Variants in SEC16B observed in about 807,000 individuals in gnomAD.
SEC16B encodes SEC16 homolog B, endoplasmic reticulum export factor.
In SEC16B, 115 loss-of-function variants were observed where a neutral mutation model predicts 141.8. The ratio of observed to expected loss-of-function variants is 0.81; its 90% CI spans 0.70 to 0.95. SEC16B has a LOEUF of 0.95. SEC16B is among the 40% of genes least tolerant of loss of function. The pLI, the probability that SEC16B is intolerant of heterozygous loss-of-function variation, is 0.00. For missense variants in SEC16B, 1,291 were observed against 1,312.3 expected, an observed-to-expected ratio of 0.98 and a Z score of 0.25; for synonymous variants, 493 against 492.5, an observed-to-expected ratio of 1.00 and a Z score of -0.01.
chr1:177,971,998 G>A (rs1438982761), upstream of SEC16B, among the ~76,000 whole-genome samples: 4 of 152,208 alleles, frequency 2.6e-5, no homozygotes, highest in Non-Finnish European at 5.9e-5. Context: ...ATACTGATTT[G>A]AACCCCAAAC....
upstream of SEC16B, chr1:177,970,170 G>C (rs1050591505): frequency 3.9e-5 from 6 of 152,250 alleles, no homozygotes; most frequent in African/African-American, 1.4e-4. Context: ...CTGAGCATGG[G>C]CTGAGCCAGG....
Position 177,958,295 on chromosome 1 carries a change from C to A in SEC16B, c.1202G>T (p.Arg401Leu). The change falls in exon 10 of 26, where the codon CGG (arginine) becomes CTG (leucine). Residue 401 changes from arginine to leucine, a missense_variant. This residue lies in a region of SEC16B where 681 missense variants were observed against 675.5 expected (regional missense o/e 1.01). Coordinates refer to ENST00000308284, the MANE Select transcript of SEC16B (RefSeq NM_033127.4). ...GATGAGGTTGGCCACAGGGGGCTGC[C>A]GCTTGTACTTCTCCAGCTTCTTGCA... ...QDCKKLEKYKRQPPVANLINL... is the reference protein window; with the variant it reads ...QDCKKLEKYKLQPPVANLINL... 1 of 1,610,150 alleles carries A rather than the reference C, an allele frequency of 6.2e-7. No individual in the cohort carries two copies. Among genetic ancestry groups the A allele is most frequent in the Non-Finnish European group, 8.5e-7 (1 of 1,178,164 alleles).
intron 24 of SEC16B, among the ~76,000 whole-genome samples, chr1:177,932,000 A>T (rs1650452558): frequency 6.6e-6 from 1 of 152,054 alleles, no homozygotes; most frequent in Admixed American, 6.5e-5. Flanking sequence ...AAAAAAAATC[A>T]CGTGTTGAAG....
chr1:177,964,788 G>A (rs1236103302), intron 4 of SEC16B, among the ~76,000 whole-genome samples: 2 of 152,120 alleles, frequency 1.3e-5, no homozygotes, highest in Non-Finnish European at 2.9e-5. Context: ...CCTCTTTTAG[G>A]ACAGACCTCA....
chr1:177,940,125 A>G (rs969269369), intron 17 of SEC16B, among the ~76,000 whole-genome samples: 14 of 152,224 alleles, frequency 9.2e-5, no homozygotes, highest in African/African-American at 1.9e-4. Flanking sequence ...CAGAATGGGA[A>G]AAAGAAAATG....
At chr1:177,946,179 GCAT>G (rs777936250) in intron 14 of SEC16B, 101 of 602,740 alleles carry the variant, frequency 1.7e-4, no homozygotes, top group Admixed American at 1.5e-4. Flanking sequence ...CCACACAAAG[GCAT>G]CAGCCCACCT....
rs571668617 is a variant in SEC16B at position 177,933,997 on chromosome 1, A to C, written c.2572-361T>G. ...CACAGAGGCCCACAAGCTCCCCCCA[A>C]AAAAAAAAAAACAGAGAATGTAGCA... On this transcript the variant is annotated intron_variant, in intron 20 of 25. Transcript: ENST00000308284. Among the ~76,000 whole-genome samples the C allele has an allele frequency of 4.5e-3, 674 of 149,064 alleles. 4 individuals carry two copies. The highest frequency in any genetic ancestry group is 9.6e-3 in the South Asian group (45 of 4,708).
At chr1:177,951,732 G>T (rs1652204246) in intron 12 of SEC16B, among the ~76,000 whole-genome samples, 182 bp downstream of exon 12, 1 of 152,172 alleles carries the variant, frequency 6.6e-6, no homozygotes, top group Non-Finnish European at 1.5e-5. Context: ...CTACCTCTAT[G>T]CATTAAACCA....
chr1:177,939,628 A>G, intron 18 of SEC16B, 74 bp downstream of exon 18: 1 of 1,295,222 alleles, frequency 7.7e-7, no homozygotes, highest in Non-Finnish European at 1.1e-6. Flanking sequence ...GAGTGCTTTC[A>G]TAAATTACTT....
chr1:177,946,424 G>T lies in SEC16B; in HGVS notation c.1771C>A (p.His591Asn). 6.4e-7 allele frequency: 1 copy of T among 1,563,212 alleles called. No individual in the cohort carries two copies. Among genetic ancestry groups the T allele is most frequent in the Non-Finnish European group, 8.7e-7 (1 of 1,153,278 alleles). Residue 591 changes from histidine (H) to asparagine (N), a missense_variant, in exon 14 of 26, where the codon CAC (histidine) becomes AAC (asparagine). Coordinates refer to ENST00000308284, the MANE Select transcript of SEC16B (RefSeq NM_033127.4). ...CCTTTCTCCCAGGTCGCATACCTGT[G>T]GCTGCTGCCCAGCAAGACCAGATGG... ...TDHLVLLGSSHSQEFLKFATT... is the reference protein window; with the variant it reads ...TDHLVLLGSSNSQEFLKFATT...
upstream of SEC16B, among the ~76,000 whole-genome samples, chr1:177,970,819 T>TA (rs1653911636): frequency 6.6e-6 from 1 of 152,254 alleles, no homozygotes; most frequent in African/African-American, 2.4e-5. Flanking sequence ...TTTGCTCTTT[T>TA]AAAAAATCCC....
chr1:177,957,598 A>C (rs1220250799), intron 10 of SEC16B, among the ~76,000 whole-genome samples: 1 of 152,188 alleles, frequency 6.6e-6, no homozygotes, highest in Non-Finnish European at 1.5e-5. Flanking sequence ...TGCAATGTAT[A>C]ATAATCACAT....
chr1:177,954,236 G>A, intron 11 of SEC16B, 43 bp downstream of exon 11: 14 of 1,435,236 alleles, frequency 9.8e-6, no homozygotes, highest in Non-Finnish European at 1.3e-5. Context: ...TGGTGAGGAG[G>A]CCTCTCTGCC....
Position 177,961,603 on chromosome 1 carries a change from A to G in SEC16B, c.774T>C (p.Ser258=), listed in dbSNP as rs200730118. 47 of 1,612,778 alleles carry G rather than the reference A, an allele frequency of 2.9e-5. 1 individual carries two copies. In the East Asian group the frequency reaches 7.8e-4, roughly 27 times the overall value. ...RDDPPASAAW[S]PVQADVSSAG... ...TTTAGAACCCACCAGCCTGAACTGG[A>G]CTCCAAGCTGCTGAAGCTGGGGGAT... is the stretch of plus-strand genomic sequence containing the variant. The change falls in exon 6 of 26, where the codon AGT becomes AGC. Residue 258 remains serine (S), a synonymous_variant. Coordinates refer to ENST00000308284, the MANE Select transcript of SEC16B (RefSeq NM_033127.4).
chr1:177,970,785 G>A (rs1300196519), upstream of SEC16B, among the ~76,000 whole-genome samples: 6 of 152,134 alleles, frequency 3.9e-5, no homozygotes, highest in Non-Finnish European at 8.8e-5. Context: ...GACTACTTCT[G>A]AATTAATATT....
At chr1:177,960,260 C>T (rs1292381760) in intron 8 of SEC16B, 82 bp downstream of exon 8, 1 of 920,572 alleles carries the variant, frequency 1.1e-6, no homozygotes, top group East Asian at 2.6e-5. Flanking sequence ...AAACCAAGAA[C>T]AAATCTCCAA....
At chr1:177,971,072 G>T (rs1456230273), upstream of SEC16B, among the ~76,000 whole-genome samples, 3 of 144,100 alleles carry the variant, frequency 2.1e-5, no homozygotes. Flanking sequence ...TCTGACTGTA[G>T]CTAATGGTTT....
chr1:177,961,198 T>C (rs1190908771), intron 6 of SEC16B: 2 of 477,354 alleles, frequency 4.2e-6, no homozygotes, highest in Non-Finnish European at 7.5e-6. Flanking sequence ...CTCTCAGTGA[T>C]GCTGAGAGGC....
In SEC16B at chr1:177,930,564, T is replaced by C. The variant is rs77277070; in HGVS notation, c.3092A>G (p.Asn1031Ser). ...PALKGAVPLY[N>S]PSQVPQLPTA... ...CCTTACCTGAGGCACCTGAGATGGG[T>C]TGTAAAGAGGAACAGCCCCTTTTAA... The change falls in exon 25 of 26, where the codon AAC becomes AGC. Residue 1031 changes from asparagine to serine, a missense_variant. By Grantham distance (46) the Asn-to-Ser change is conservative. Transcript: ENST00000308284. 4,688 of 1,613,420 alleles carry C rather than the reference T, an allele frequency of 2.9e-3. 106 individuals are homozygous for C. In the African/African-American group the frequency reaches 0.054, roughly 19 times the overall value.
Sources: allele counts gnomAD v4.1 joint callset (sites outside exome capture counted in the v4.1 genomes callset), GRCh38; gene constraint gnomAD v4.1.1; regional missense constraint gnomAD v4.1.1; transcripts MANE v1.5; gene names NCBI Gene and HGNC (gene_info 2026-07-23, HGNC 2026-07-21).